Variants in HYDIN observed in about 807,000 individuals in gnomAD.
HYDIN encodes axonemal central pair apparatus protein HYDIN.
A neutral mutation model predicts 403.9 loss-of-function variants in HYDIN; 132 were observed. The ratio of observed to expected loss-of-function variants is 0.33; its 90% confidence interval spans 0.28 to 0.38. The LOEUF is 0.38. Among genes scored for constraint, HYDIN ranks in the 10% least tolerant of loss-of-function variants. HYDIN has a pLI of 1.00. For synonymous variants in HYDIN, 1,202 were observed against 1,891.7 expected (o/e 0.64, Z 9.46); for missense variants, 2,827 against 5,009.5 (o/e 0.56, Z 13.15).
chr16:71,218,115 G>T (rs753251798), intron 1 of HYDIN, among the ~76,000 whole-genome samples: 1 of 152,070 alleles, frequency 6.6e-6, no homozygotes, highest in African/African-American at 2.4e-5. Flanking sequence ...CAATTTTCCT[G>T]TGCCCTTGAG....
At chr16:70,875,357 T>G (rs572664706) in intron 62 of HYDIN, among the ~76,000 whole-genome samples, 171 of 152,244 alleles carry the variant, frequency 1.1e-3, no homozygotes, top group Non-Finnish European at 2.0e-3. Context: ...AGTTGCCTGA[T>G]AGTGTCATGT....
At chr16:71,194,576 C>A (rs2087599994) in intron 1 of HYDIN, among the ~76,000 whole-genome samples, 1 of 152,074 alleles carries the variant, frequency 6.6e-6, no homozygotes, top group Non-Finnish European at 1.5e-5. Flanking sequence ...ATGGAGATAA[C>A]AATAAAAAGA....
chr16:71,022,856 T>C (rs984962848), intron 21 of HYDIN, among the ~76,000 whole-genome samples: 5 of 151,132 alleles, frequency 3.3e-5, no homozygotes, highest in African/African-American at 1.2e-4. Context: ...TTTAATCTAG[T>C]AATAAATTCA....
intron 8 of HYDIN, among the ~76,000 whole-genome samples, chr16:71,133,996 C>T (rs111670131): frequency 3.1e-4 from 47 of 152,202 alleles, no homozygotes; most frequent in Admixed American, 1.6e-3. Flanking sequence ...ACCCTCTGTC[C>T]CCAAACCTGG....
intron 67 of HYDIN, chr16:70,865,180 C>T (rs1301757267): frequency 5.5e-6 from 2 of 361,712 alleles, no homozygotes; most frequent in African/African-American, 4.2e-5. Flanking sequence ...CCTTCATTCT[C>T]GCTTCTTCAC....
intron 67 of HYDIN, 78 bp from the exon 68 acceptor site, chr16:70,863,260 T>C (rs1483435892): frequency 2.2e-5 from 29 of 1,331,678 alleles, no homozygotes; most frequent in Non-Finnish European, 2.7e-5. Flanking sequence ...ATCTATACTG[T>C]ACTTAACCTT....
intron 1 of HYDIN, among the ~76,000 whole-genome samples, chr16:71,216,111 T>A (rs2088867246): frequency 6.6e-6 from 1 of 152,230 alleles, no homozygotes. Flanking sequence ...CCAGCAGTTT[T>A]ACCCTGGTAG....
intron 71 of HYDIN, among the ~76,000 whole-genome samples, chr16:70,858,681 G>C (rs910085807): frequency 2.0e-5 from 3 of 151,786 alleles, no homozygotes; most frequent in African/African-American, 7.3e-5. Context: ...AGGTGCTCTG[G>C]AGGTGTGTCA....
chr16:70,904,700 C>T (rs2076487148), intron 50 of HYDIN, among the ~76,000 whole-genome samples: 1 of 150,192 alleles, frequency 6.7e-6, no homozygotes, highest in Non-Finnish European at 1.5e-5. Flanking sequence ...CGGGGTTTCA[C>T]CATGTTAGCC....
chr16:71,183,437 A>T (rs2086990239), intron 3 of HYDIN, among the ~76,000 whole-genome samples: 1 of 152,154 alleles, frequency 6.6e-6, no homozygotes, highest in African/African-American at 2.4e-5. Context: ...AAAATAAAAT[A>T]AAGGCGCACA....
At chr16:70,893,244 AGAGCACAGC>A (rs2041582322) in intron 55 of HYDIN, among the ~76,000 whole-genome samples, 1 of 152,180 alleles carries the variant, frequency 6.6e-6, no homozygotes. Context: ...GCAACCTCAA[AGAGCACAGC>A]TAATGCCCCT....
intron 73 of HYDIN, among the ~76,000 whole-genome samples, chr16:70,853,293 C>A (rs1173587766): frequency 6.6e-6 from 1 of 151,996 alleles, no homozygotes; most frequent in African/African-American, 2.4e-5. Context: ...GTCTGGAAAG[C>A]ATTTTCACCG....
intron 1 of HYDIN, among the ~76,000 whole-genome samples, chr16:71,199,022 T>C (rs2087849164): frequency 6.6e-6 from 1 of 152,204 alleles, no homozygotes. Flanking sequence ...TTTAGCTATC[T>C]GGTGGATGTG....
intron 1 of HYDIN, among the ~76,000 whole-genome samples, chr16:71,230,264 G>A (rs529074160): frequency 1.1e-4 from 17 of 151,812 alleles, no homozygotes; most frequent in Admixed American, 9.9e-4. Context: ...CCGGTAAGAC[G>A]GGAAATGATT....
intron 1 of HYDIN, among the ~76,000 whole-genome samples, chr16:71,204,799 T>C (rs1249159924): frequency 1.3e-5 from 2 of 152,140 alleles, no homozygotes; most frequent in African/African-American, 2.4e-5. Context: ...ATGAAAAATA[T>C]CTGTTTCCAC....
intron 83 of HYDIN, among the ~76,000 whole-genome samples, chr16:70,822,880 A>G (rs1293841005): frequency 6.8e-6 from 1 of 146,888 alleles, no homozygotes. Context: ...AATAGACTAC[A>G]GTACAATGTA....
chr16:70,990,081 G>C (rs1016312242), intron 25 of HYDIN, among the ~76,000 whole-genome samples: 2 of 152,146 alleles, frequency 1.3e-5, no homozygotes, highest in African/African-American at 4.8e-5. Context: ...GAGGTGTTGG[G>C]AAAAGTAAAA....
In HYDIN at chr16:70,808,010, C is replaced by A. The variant is rs763690628; in HGVS notation, c.14936G>T (p.Gly4979Val). ...CACACTGGCTTCAGTGCCTCCCTGG[C>A]CTCCTGGGGCTGCATTAATGAGTTT... ...AEKLINAAPG[G>V]QGGTEASVEV... Residue 4979 changes from glycine to valine, a missense_variant, in exon 86 of 86, where the codon GGC (glycine) becomes GTC (valine). Gly to Val is a moderately radical substitution (Grantham distance 109). Coordinates refer to ENST00000393567, the MANE Select transcript of HYDIN (RefSeq NM_001270974.2). 1.2e-6 allele frequency: 2 copies of A among 1,613,930 alleles called. No individual in the cohort carries two copies. Among genetic ancestry groups the A allele is most frequent in the South Asian group, 2.2e-5 (2 of 91,064 alleles).
chr16:71,144,602 G>A (rs3114620), intron 7 of HYDIN, among the ~76,000 whole-genome samples: 99,236 of 144,918 alleles, frequency 0.68, 35,889 homozygotes, highest in African/African-American at 0.91. Flanking sequence ...GAAAAGAGAA[G>A]GGAGGGGAGA....
Sources: gnomAD v4.1 joint callset for allele counts (sites outside exome capture counted in the v4.1 genomes callset) on GRCh38, gnomAD v4.1.1 for gene constraint, MANE v1.5 for transcripts, NCBI Gene and HGNC (gene_info 2026-07-23, HGNC 2026-07-21) for gene names.